CLIP1: variants seen among roughly 807,000 people sequenced by gnomAD.
CLIP1 encodes the protein CAP-Gly domain-containing linker protein 1.
In CLIP1, 66 loss-of-function variants were observed where a neutral mutation model predicts 161.6. The ratio of observed to expected loss-of-function variants is 0.41; its 90% CI spans 0.33 to 0.50. The LOEUF (loss-of-function observed/expected upper bound fraction) is 0.50. Among genes scored for constraint, CLIP1 ranks in the 20% least tolerant of loss-of-function variants. The pLI is 0.27. For synonymous variants in CLIP1, 598 were observed against 626.2 expected (o/e 0.96, Z 0.67); for missense variants, 1,376 against 1,702.0 (o/e 0.81, Z 3.37).
rs1190755201 is a variant in CLIP1 at position 122,352,581 on chromosome 12, G to A, written c.1368+145C>T. Reference sequence around the variant, plus strand: ...ACTCACAGGCTCAAGTACCGGCACCGTCACCACAAAGCCACCCCCAGAACC... The same window carrying A: ...ACTCACAGGCTCAAGTACCGGCACCATCACCACAAAGCCACCCCCAGAACC... On this transcript the variant is annotated intron_variant, in intron 8 of 25. Coordinates refer to ENST00000620786, the MANE Select transcript of CLIP1 (RefSeq NM_001247997.2). 34 of 691,978 alleles carry A rather than the reference G, an allele frequency of 4.9e-5. 1 individual carries two copies. Among genetic ancestry groups the A allele is most frequent in the South Asian group, 3.2e-4 (20 of 61,630 alleles). 42.9% of individuals were successfully genotyped at this position (691,978 alleles called of 1,614,324 possible).
chr12:122,290,765 T>A (rs1288844799), intron 20 of CLIP1, among the ~76,000 whole-genome samples: 1 of 152,172 alleles, frequency 6.6e-6, no homozygotes, highest in Non-Finnish European at 1.5e-5. Context: ...ATACTGATCT[T>A]TATAGAAAAC....
chr12:122,281,178 A>T (rs1410689541), intron 21 of CLIP1, among the ~76,000 whole-genome samples: 1 of 152,214 alleles, frequency 6.6e-6, no homozygotes, highest in Non-Finnish European at 1.5e-5. Flanking sequence ...GTAAGAAAAG[A>T]ATCTGAGACA....
intron 20 of CLIP1, among the ~76,000 whole-genome samples, chr12:122,308,888 AGT>A (rs2136497821): frequency 6.6e-6 from 1 of 152,358 alleles, no homozygotes; most frequent in South Asian, 2.1e-4. Context: ...ATGGGTACTC[AGT>A]ACAACTACCC....
intron 20 of CLIP1, among the ~76,000 whole-genome samples, chr12:122,299,327 G>C (rs925894082): frequency 6.6e-6 from 1 of 152,046 alleles, no homozygotes; most frequent in Non-Finnish European, 1.5e-5. Flanking sequence ...TTCTAGAGAA[G>C]TCTAGAGGAA....
At chr12:122,363,895 T>C (rs1954000410) in intron 4 of CLIP1, 88 bp downstream of exon 4, 1 of 1,567,436 alleles carries the variant, frequency 6.4e-7, no homozygotes, top group Non-Finnish European at 8.7e-7. Flanking sequence ...AACACAACTT[T>C]CCATGTTATG....
rs572340293 is a variant in CLIP1, at chr12:122,382,356, C to T, written c.-106-1798G>A. On this transcript the variant is annotated intron_variant, in intron 1 of 25. Transcript: ENST00000620786. ...CGCCTGGGCAACGAGAGCAAAACTC[C>T]GTCTCAAAAAAAAAAAAAATTAGCC... is the stretch of plus-strand genomic sequence containing the variant. 2.1e-4 allele frequency among the ~76,000 whole-genome samples: 32 copies of T among 149,566 alleles called. No individual in the cohort carries two copies. The East Asian group carries it at 5.9e-3, about 28-fold the overall frequency.
intron 1 of CLIP1, among the ~76,000 whole-genome samples, chr12:122,401,799 G>C (rs1478128107): frequency 6.6e-6 from 1 of 151,976 alleles, no homozygotes; most frequent in East Asian, 1.9e-4. Flanking sequence ...AGGAGTTCAA[G>C]ACCAGCCTGA....
At chr12:122,353,960 T>C (rs2136467753) in intron 7 of CLIP1, among the ~76,000 whole-genome samples, 1 of 151,978 alleles carries the variant, frequency 6.6e-6, no homozygotes, top group Non-Finnish European at 1.5e-5. Flanking sequence ...CCAAACTTAT[T>C]GAAAAAAGTC....
intron 1 of CLIP1, among the ~76,000 whole-genome samples, chr12:122,397,321 CA>C (rs1412005757): frequency 9.6e-6 from 1 of 104,430 alleles, no homozygotes; most frequent in Non-Finnish European, 2.5e-5. Flanking sequence ...TGGAAGAGTT[CA>C]GGCGTGTGGC....
chr12:122,279,050 T>G lies in CLIP1; in HGVS notation c.3743A>C (p.Glu1248Ala). ...TACCTCATTTCTCAGTTTCTCCAGCTCGGCATCCTTTTCTGTGAGTAAGGC... is the reference window on the plus strand; with the variant it reads ...TACCTCATTTCTCAGTTTCTCCAGCGCGGCATCCTTTTCTGTGAGTAAGGC... ...TSALLTEKDA[E>A]LEKLRNEVTV... The change falls in exon 22 of 26, where the codon GAG becomes GCG. Residue 1248 changes from glutamate to alanine, a missense_variant. By Grantham distance (107) the Glu-to-Ala change is moderately radical (BLOSUM62 -1). Coordinates refer to ENST00000620786, the MANE Select transcript of CLIP1 (RefSeq NM_001247997.2). This position sits in a 1 kb window ranked among gnomAD's most constrained non-coding sequence, Gnocchi z 4.5. 1 of 1,612,814 alleles carries G rather than the reference T, an allele frequency of 6.2e-7. No individual in the cohort carries two copies. Among genetic ancestry groups the G allele is most frequent in the Non-Finnish European group, 8.5e-7 (1 of 1,179,688 alleles).
chr12:122,304,001 G>A (rs373322589), intron 20 of CLIP1, among the ~76,000 whole-genome samples: 221 of 152,278 alleles, frequency 1.5e-3, no homozygotes, highest in African/African-American at 4.8e-3. Flanking sequence ...GTACCCGCCC[G>A]GACTGCCTAC....
intron 15 of CLIP1, among the ~76,000 whole-genome samples, chr12:122,329,494 G>C (rs1052837687): frequency 6.6e-6 from 1 of 151,876 alleles, no homozygotes; most frequent in African/African-American, 2.4e-5. Flanking sequence ...GCCGGGCATG[G>C]TGGTGGGCAC....
intron 17 of CLIP1, among the ~76,000 whole-genome samples, chr12:122,324,503 T>C (rs7974160): frequency 0.62 from 94,499 of 152,058 alleles, 29,775 homozygotes; most frequent in African/African-American, 0.63. Context: ...ATAAACTTTA[T>C]AGAAACTATC....
At chr12:122,313,924 A>T (rs1306251775) in intron 19 of CLIP1, among the ~76,000 whole-genome samples, 2 of 152,106 alleles carry the variant, frequency 1.3e-5, no homozygotes, top group African/African-American at 2.4e-5. Flanking sequence ...TGGGAGGTCA[A>T]GGCGGGCAGA....
In CLIP1 at chr12:122,355,102, G is replaced by T. The variant is rs780361394; in HGVS notation, c.1203+13C>A. 1.4e-5 allele frequency: 22 copies of T among 1,612,528 alleles called. No individual in the cohort carries two copies. The highest frequency in any genetic ancestry group is 2.2e-5 in the East Asian group (1 of 44,830). Reference sequence around the variant, plus strand: ...AAACCATCACCATCTCCGCAACAAGGTCCAGACTTCACCTGGTCATGTCCG... The same window carrying T: ...AAACCATCACCATCTCCGCAACAAGTTCCAGACTTCACCTGGTCATGTCCG... On this transcript the variant is annotated intron_variant, in intron 6 of 25. Transcript: ENST00000620786. The surrounding 1 kb of genome is among the most constrained non-coding windows in gnomAD (Gnocchi z 4.1).
intron 1 of CLIP1, among the ~76,000 whole-genome samples, chr12:122,414,228 GA>G (rs1213788972): frequency 6.6e-6 from 1 of 151,950 alleles, no homozygotes; most frequent in Non-Finnish European, 1.5e-5. Context: ...AGCCTCCTGG[GA>G]TCAGATTTCT....
At chr12:122,333,553 G>A (rs1167743676) in intron 14 of CLIP1, among the ~76,000 whole-genome samples, 1 of 152,226 alleles carries the variant, frequency 6.6e-6, no homozygotes, top group Non-Finnish European at 1.5e-5. Context: ...GGGGGTCCCA[G>A]ATGAAATCCG....
intron 25 of CLIP1, among the ~76,000 whole-genome samples, chr12:122,273,683 G>T (rs1421827455): frequency 1.3e-5 from 2 of 151,948 alleles, no homozygotes; most frequent in Non-Finnish European, 2.9e-5. Flanking sequence ...CAATCCCCTA[G>T]AGAAGCTCAC....
chr12:122,312,949 G>C (rs2136542547), intron 19 of CLIP1, among the ~76,000 whole-genome samples: 1 of 152,276 alleles, frequency 6.6e-6, no homozygotes, highest in East Asian at 1.9e-4. Context: ...TAAGACTAAG[G>C]AATAGCAAAG....
Sources: gnomAD v4.1 joint callset for allele counts (sites outside exome capture counted in the v4.1 genomes callset) on GRCh38, gnomAD v4.1.1 for gene constraint, Gnocchi (gnomAD v3.1) non-coding constraint, MANE v1.5 for transcripts, NCBI Gene and HGNC (gene_info 2026-07-23, HGNC 2026-07-21) for gene names.